The following TENM3 variants were observed in gnomAD, a reference collection of about 807,000 sequenced individuals.
The protein encoded by TENM3 is teneurin-3.
A neutral mutation model predicts 255.1 loss-of-function variants in TENM3; 63 were observed. That is an observed-to-expected ratio of 0.25 (90% confidence interval 0.20 to 0.30). The LOEUF (loss-of-function observed/expected upper bound fraction) is 0.30, where lower values mean the gene tolerates loss of function less well. TENM3 is among the 10% of genes least tolerant of loss of function. The pLI, the probability that TENM3 is intolerant of heterozygous loss-of-function variation, is 1.00. For synonymous variants in TENM3, 1,306 were observed against 1,322.3 expected, an observed-to-expected ratio of 0.99 and a Z score of 0.27; for missense variants, 2,929 against 3,461.1, an observed-to-expected ratio of 0.85 and a Z score of 3.86.
At chr4:181,956,181 C>T in the TENM3 span, among the ~76,000 whole-genome samples, 1 of 152,142 alleles carries the variant, frequency 6.6e-6, no homozygotes, top group Non-Finnish European at 1.5e-5. Context: ...GCACTACTCA[C>T]ATTCATAAGG....
At chr4:181,642,553 T>C in the TENM3 span, among the ~76,000 whole-genome samples, 1 of 151,906 alleles carries the variant, frequency 6.6e-6, no homozygotes, top group Non-Finnish European at 1.5e-5. Context: ...ACCATGCCGA[T>C]GTCCTGAATG....
the TENM3 span, among the ~76,000 whole-genome samples, chr4:181,681,575 G>A: frequency 6.6e-6 from 1 of 152,046 alleles, no homozygotes; most frequent in Admixed American, 6.6e-5. Flanking sequence ...GTTAGCTAAT[G>A]CTTACTCTGT....
At chr4:181,740,076 C>T in the TENM3 span, among the ~76,000 whole-genome samples, 6 of 152,064 alleles carry the variant, frequency 3.9e-5, no homozygotes, top group Admixed American at 1.3e-4. Flanking sequence ...AAGCACATAC[C>T]GAAATGTTTC....
intron 1 of TENM3, among the ~76,000 whole-genome samples, chr4:182,173,871 T>C (rs1752268429): frequency 1.3e-5 from 2 of 152,214 alleles, no homozygotes; most frequent in Non-Finnish European, 2.9e-5. Flanking sequence ...ATTTTTCTTG[T>C]ATGTAAGTTC....
the TENM3 span, among the ~76,000 whole-genome samples, chr4:181,914,511 T>C: frequency 1.3e-5 from 2 of 152,302 alleles, no homozygotes; most frequent in African/African-American, 4.8e-5. Flanking sequence ...ACAAAACATA[T>C]GACAGTATTA....
intron 13 of TENM3, among the ~76,000 whole-genome samples, chr4:182,719,679 A>C (rs535254609): frequency 3.3e-5 from 5 of 152,176 alleles, no homozygotes; most frequent in African/African-American, 1.2e-4. Flanking sequence ...AGAAAGCACA[A>C]GTCAACTGAG....
chr4:181,869,389 T>A, the TENM3 span, among the ~76,000 whole-genome samples: 11 of 152,320 alleles, frequency 7.2e-5, 1 homozygote, highest in African/African-American at 2.4e-4. Context: ...AAGTAATAAT[T>A]CCTACTCAGT....
At chr4:181,653,562 G>T in the TENM3 span, among the ~76,000 whole-genome samples, 3 of 151,890 alleles carry the variant, frequency 2.0e-5, 1 homozygote, top group African/African-American at 7.3e-5. Context: ...CACCACACCC[G>T]GCTAATTTTT....
intron 1 of TENM3, among the ~76,000 whole-genome samples, 185 bp downstream of exon 1, chr4:182,243,661 G>C (rs1757434137): frequency 6.6e-6 from 1 of 152,120 alleles, no homozygotes; most frequent in Non-Finnish European, 1.5e-5. Context: ...GGGCAGTGTT[G>C]GGACACGGAA....
intron 3 of TENM3, among the ~76,000 whole-genome samples, chr4:182,527,888 C>T (rs542808044): frequency 5.3e-5 from 8 of 152,084 alleles, no homozygotes; most frequent in African/African-American, 1.9e-4. Context: ...CTGCCACGCC[C>T]GGCTAATTTT....
At chr4:181,501,587 C>T in the TENM3 span, among the ~76,000 whole-genome samples, 1 of 151,944 alleles carries the variant, frequency 6.6e-6, no homozygotes, top group Admixed American at 6.6e-5. Flanking sequence ...ACTAGGTTGG[C>T]CAGGCTGCTC....
At chr4:181,848,677 T>C in the TENM3 span, among the ~76,000 whole-genome samples, 1 of 152,172 alleles carries the variant, frequency 6.6e-6, no homozygotes. Flanking sequence ...GTAAGTGTAA[T>C]AATATAATAC....
chr4:182,066,297 G>T, the TENM3 span, among the ~76,000 whole-genome samples: 6 of 152,174 alleles, frequency 3.9e-5, no homozygotes, highest in East Asian at 9.7e-4. Flanking sequence ...CCCTCTGGGA[G>T]AAATGTCTAC....
chr4:181,525,396 CAAAAAAAAAA>C, the TENM3 span, among the ~76,000 whole-genome samples: 9 of 97,294 alleles, frequency 9.3e-5, no homozygotes, highest in African/African-American at 3.1e-4. Flanking sequence ...GACCCTGTTT[CAAAAAAAAAA>C]AAAAAAAAAA....
At chr4:182,708,406 G>A (rs368124217) in intron 12 of TENM3, among the ~76,000 whole-genome samples, 47 of 152,016 alleles carry the variant, frequency 3.1e-4, no homozygotes, top group African/African-American at 9.7e-4. Context: ...ACAGAGCCAG[G>A]GCTCATGGAA....
At chr4:181,655,483 C>T in the TENM3 span, among the ~76,000 whole-genome samples, 2 of 150,612 alleles carry the variant, frequency 1.3e-5, no homozygotes, top group African/African-American at 4.8e-5. Context: ...GGGGAAACAA[C>T]TGTGAGCAAG....
At chr4:181,785,544 C>T in the TENM3 span, among the ~76,000 whole-genome samples, 6 of 152,030 alleles carry the variant, frequency 3.9e-5, no homozygotes, top group African/African-American at 7.2e-5. Context: ...ATCCCTATTC[C>T]GAAAATCCAA....
intron 1 of TENM3, among the ~76,000 whole-genome samples, chr4:182,323,323 T>G (rs1323027117): frequency 6.6e-6 from 1 of 151,770 alleles, no homozygotes; most frequent in Non-Finnish European, 1.5e-5. Flanking sequence ...CAGAATGGTA[T>G]GGGGAGGAGG....
At chr4:182,305,592 C>G (rs1009584975) in intron 1 of TENM3, among the ~76,000 whole-genome samples, 1 of 152,210 alleles carries the variant, frequency 6.6e-6, no homozygotes, top group African/African-American at 2.4e-5. Context: ...AATTTATCCT[C>G]TTTCACTACA....
Sources: allele counts gnomAD v4.1 joint callset (sites outside exome capture counted in the v4.1 genomes callset), GRCh38; gene constraint gnomAD v4.1.1; transcripts MANE v1.5; gene names NCBI Gene and HGNC (gene_info 2026-07-23, HGNC 2026-07-21).